Variants in RARB observed in about 807,000 individuals in gnomAD.
RARB encodes the protein retinoic acid receptor beta, also known as HBV-activated protein.
In RARB, 17 loss-of-function variants were observed where a neutral mutation model predicts 51.9. The observed-to-expected ratio is 0.33, with a 90% CI of 0.22 to 0.49. RARB has a LOEUF of 0.49. RARB is among the 20% of genes least tolerant of loss of function. The pLI is 0.99. For synonymous variants in RARB, 215 were observed against 195.4 expected, an observed-to-expected ratio of 1.10 and a Z score of -0.84; for missense variants, 369 against 550.8, an observed-to-expected ratio of 0.67 and a Z score of 3.30.
rs76517936 is a variant in RARB at position 25,384,217 on chromosome 3, G to A, written c.179-76976G>A. On this transcript the variant is annotated intron_variant, in intron 5 of 11. Transcript: ENST00000383772. ...TAGAGCCCCGCCCCATTACTACATG[G>A]CAGTTGTTAACTAGTTGTCTGGCTT... Among the ~76,000 whole-genome samples, 378 of 152,274 alleles carry A rather than the reference G, an allele frequency of 2.5e-3. 6 individuals carry two copies. In the East Asian group the frequency reaches 0.055, roughly 22 times the overall value.
chr3:24,896,968 A>G (rs983490522), intron 2 of RARB, among the ~76,000 whole-genome samples: 2 of 152,218 alleles, frequency 1.3e-5, no homozygotes, highest in East Asian at 3.8e-4. Flanking sequence ...AAAACAACAC[A>G]TCTTGATTTG....
At chr3:24,849,224 G>A (rs1231917301) in intron 1 of RARB, among the ~76,000 whole-genome samples, 1 of 152,160 alleles carries the variant, frequency 6.6e-6, no homozygotes, top group Admixed American at 6.5e-5. Flanking sequence ...AAAAAGTAAA[G>A]TAAATGTAGT....
At position 25,501,822 on chromosome 3, in the gene RARB, TC is replaced by T. The variant is rs144035758; in HGVS notation, c.448+500del. On this transcript the variant is annotated intron_variant, in intron 3 of 7. Transcript: ENST00000330688. ...ATTTTTCCAAACTTGATTTCGTTTT[TC>T]TTCTCCAAGCCATCTTTTCCAAACA... Among the ~76,000 whole-genome samples the T allele has an allele frequency of 7.3e-3, 1,113 of 152,328 alleles. 2 individuals carry two copies. Among genetic ancestry groups the T allele is most frequent in the Non-Finnish European group, 0.011 (754 of 68,028 alleles).
intron 2 of RARB, among the ~76,000 whole-genome samples, chr3:24,940,227 T>A (rs1429507124): frequency 6.6e-6 from 1 of 152,126 alleles, no homozygotes; most frequent in East Asian, 1.9e-4. Context: ...AAAAGGAGTT[T>A]CATTTAACAA....
At chr3:25,072,400 G>A (rs1698785242) in intron 3 of RARB, among the ~76,000 whole-genome samples, 1 of 152,136 alleles carries the variant, frequency 6.6e-6, no homozygotes, top group African/African-American at 2.4e-5. Flanking sequence ...CCATGGTGGA[G>A]CTGAGCAACC....
At chr3:25,279,887 T>C (rs925661925) in intron 5 of RARB, among the ~76,000 whole-genome samples, 1 of 152,132 alleles carries the variant, frequency 6.6e-6, no homozygotes, top group African/African-American at 2.4e-5. Flanking sequence ...AGTCAGTCTT[T>C]GGTCTAAAGG....
chr3:24,873,816 G>T (rs17195010), intron 2 of RARB, among the ~76,000 whole-genome samples: 1 of 151,674 alleles, frequency 6.6e-6, no homozygotes, highest in East Asian at 1.9e-4. Flanking sequence ...TTTGACAATC[G>T]GGTAAGGGGT....
intron 2 of RARB, among the ~76,000 whole-genome samples, chr3:24,922,785 TGCTACAGCTG>T (rs1193877677): frequency 6.6e-6 from 1 of 152,164 alleles, no homozygotes; most frequent in Non-Finnish European, 1.5e-5. Context: ...AAGTGTCCAT[TGCTACAGCTG>T]GCTGCTTCCA....
At chr3:25,213,865 T>G (rs1701756945) in intron 5 of RARB, among the ~76,000 whole-genome samples, 1 of 152,238 alleles carries the variant, frequency 6.6e-6, no homozygotes, top group Non-Finnish European at 1.5e-5. Context: ...TAAGTTTCTC[T>G]TACTTGGCAA....
intron 2 of RARB, among the ~76,000 whole-genome samples, chr3:25,001,796 T>A (rs1377242133): frequency 6.6e-6 from 1 of 152,200 alleles, no homozygotes; most frequent in Non-Finnish European, 1.5e-5. Flanking sequence ...ACTTTGATCA[T>A]GGAAATGTGT....
chr3:25,366,983 T>C (rs942173945), intron 5 of RARB, among the ~76,000 whole-genome samples: 1 of 152,156 alleles, frequency 6.6e-6, no homozygotes, highest in East Asian at 1.9e-4. Flanking sequence ...AAATTTGGAT[T>C]GAAGAAAGGA....
At chr3:25,539,732 C>T (rs1184317703) in intron 3 of RARB, among the ~76,000 whole-genome samples, 1 of 151,964 alleles carries the variant, frequency 6.6e-6, no homozygotes, top group Non-Finnish European at 1.5e-5. Context: ...AAATGATCAT[C>T]TTCCTCGATC....
intron 2 of RARB, among the ~76,000 whole-genome samples, chr3:25,466,794 T>C (rs893647872): frequency 6.6e-6 from 1 of 152,350 alleles, no homozygotes; most frequent in Non-Finnish European, 1.5e-5. Flanking sequence ...TCTGTCACTG[T>C]AGCATGAAAG....
At chr3:25,498,292 C>T (rs770937094) in intron 2 of RARB, among the ~76,000 whole-genome samples, 2 of 152,112 alleles carry the variant, frequency 1.3e-5, no homozygotes, top group Non-Finnish European at 2.9e-5. Flanking sequence ...CACTCTGGGT[C>T]CTCAAAGCAG....
intron 2 of RARB, among the ~76,000 whole-genome samples, chr3:24,889,710 A>G (rs1042073247): frequency 1.6e-5 from 1 of 61,716 alleles, no homozygotes; most frequent in South Asian, 4.8e-4. Context: ...GTGTGTGTGT[A>G]CATTTAAAGG....
intron 3 of RARB, among the ~76,000 whole-genome samples, chr3:25,111,120 C>A (rs1699593959): frequency 6.6e-6 from 1 of 152,092 alleles, no homozygotes; most frequent in South Asian, 2.1e-4. Flanking sequence ...GCAAGGAAGT[C>A]AAGAATCCAT....
At chr3:25,451,370 G>C (rs1359344748) in intron 1 of RARB, among the ~76,000 whole-genome samples, 1 of 152,180 alleles carries the variant, frequency 6.6e-6, no homozygotes, top group Non-Finnish European at 1.5e-5. Context: ...CCACCTGGCA[G>C]CAAAGCTTAC....
intron 5 of RARB, among the ~76,000 whole-genome samples, chr3:25,415,814 A>G (rs1326266086): frequency 1.3e-5 from 2 of 152,196 alleles, no homozygotes; most frequent in African/African-American, 2.4e-5. Flanking sequence ...TTCAGCAAAT[A>G]CTTATTGAGG....
chr3:25,467,385 G>A (rs774396709), intron 2 of RARB, among the ~76,000 whole-genome samples: 21 of 152,258 alleles, frequency 1.4e-4, no homozygotes, highest in Non-Finnish European at 1.9e-4. Flanking sequence ...TCACTCACAT[G>A]TCTGGGGCCT....
Sources: allele counts gnomAD v4.1 joint callset (sites outside exome capture counted in the v4.1 genomes callset), GRCh38; gene constraint gnomAD v4.1.1; transcripts MANE v1.5; gene names NCBI Gene and HGNC (gene_info 2026-07-23, HGNC 2026-07-21).